Variants in NRG1 observed in about 807,000 individuals in gnomAD.
The protein encoded by NRG1 is pro-neuregulin-1, membrane-bound isoform.
In NRG1, 18 loss-of-function variants were observed where a neutral mutation model predicts 63.8. That is an observed-to-expected ratio of 0.28 (90% CI 0.19 to 0.42). The LOEUF (loss-of-function observed/expected upper bound fraction) is 0.42. Among genes scored for constraint, NRG1 ranks in the 10% least tolerant of loss-of-function variants. NRG1 has a pLI of 1.00. For synonymous variants in NRG1, 302 were observed against 301.3 expected, an observed-to-expected ratio of 1.00 and a Z score of -0.02; for missense variants, 762 against 814.7, an observed-to-expected ratio of 0.94 and a Z score of 0.79.
intron 1 of NRG1, among the ~76,000 whole-genome samples, chr8:32,503,055 ATGGG>A (rs1828055415): frequency 6.6e-6 from 1 of 151,982 alleles, no homozygotes; most frequent in African/African-American, 2.4e-5. Flanking sequence ...GGAGGCTGAG[ATGGG>A]CGGATCATGA....
At chr8:32,247,103 G>A (rs1446173725) in intron 1 of NRG1, among the ~76,000 whole-genome samples, 1 of 102,690 alleles carries the variant, frequency 9.7e-6, no homozygotes, top group Admixed American at 1.0e-4. Context: ...TCAATTTACA[G>A]TTTTTTTTTA....
At chr8:31,903,550 A>G (rs776185643) in intron 1 of NRG1, among the ~76,000 whole-genome samples, 1 of 152,162 alleles carries the variant, frequency 6.6e-6, no homozygotes, top group East Asian at 1.9e-4. Context: ...CACAGAATCT[A>G]CTAGCATAGC....
chr8:32,032,506 T>C (rs1818418810), intron 1 of NRG1, among the ~76,000 whole-genome samples: 1 of 152,210 alleles, frequency 6.6e-6, no homozygotes, highest in Non-Finnish European at 1.5e-5. Context: ...CCTCAGGTGA[T>C]CCACCTGCCT....
At chr8:32,324,412 T>C (rs1276732480) in intron 1 of NRG1, among the ~76,000 whole-genome samples, 1 of 152,170 alleles carries the variant, frequency 6.6e-6, no homozygotes, top group African/African-American at 2.4e-5. Context: ...AGTGTCTTGC[T>C]TGGGCTTGCT....
At chr8:32,183,675 A>G (rs1563882391) in intron 1 of NRG1, among the ~76,000 whole-genome samples, 1 of 152,222 alleles carries the variant, frequency 6.6e-6, no homozygotes, top group Non-Finnish European at 1.5e-5. Context: ...GGTCTTCATT[A>G]ATCTCAAATT....
At chr8:31,662,848 A>G (rs1195099007) in intron 1 of NRG1, among the ~76,000 whole-genome samples, 2 of 152,170 alleles carry the variant, frequency 1.3e-5, no homozygotes, top group East Asian at 1.9e-4. Context: ...AAGAGTAAAT[A>G]GGGGAATTTT....
At chr8:31,795,014 G>C (rs1821070311) in intron 1 of NRG1, among the ~76,000 whole-genome samples, 1 of 152,112 alleles carries the variant, frequency 6.6e-6, no homozygotes, top group African/African-American at 2.4e-5. Context: ...TGTTGGCCAG[G>C]CTGGTCTCAA....
intron 1 of NRG1, among the ~76,000 whole-genome samples, chr8:32,330,240 T>C (rs73582342): frequency 0.096 from 14,527 of 152,060 alleles, 967 homozygotes; most frequent in African/African-American, 0.18. Flanking sequence ...TTTAGATGGA[T>C]GGAGCACTTG....
intron 5 of NRG1, among the ~76,000 whole-genome samples, chr8:32,710,137 G>C (rs918860677): frequency 6.6e-6 from 1 of 152,126 alleles, no homozygotes. Flanking sequence ...TTTTAATTAA[G>C]GAGTGCTACC....
At chr8:32,548,313 A>C in exon 1 of NRG1, 1 of 993,292 alleles carries the variant, frequency 1.0e-6, no homozygotes, top group South Asian at 4.7e-5. Context: ...GTTCCCCGAA[A>C]CTTGTTGGAA....
chr8:32,306,654 C>T (rs1856218624), intron 1 of NRG1, among the ~76,000 whole-genome samples: 1 of 152,168 alleles, frequency 6.6e-6, no homozygotes, highest in African/African-American at 2.4e-5. Context: ...TCTCAAAAGC[C>T]TTGACTCTGT....
At chr8:31,988,795 G>C (rs1438399425) in intron 1 of NRG1, among the ~76,000 whole-genome samples, 1 of 152,082 alleles carries the variant, frequency 6.6e-6, no homozygotes, top group Non-Finnish European at 1.5e-5. Flanking sequence ...GAATAAGTTA[G>C]CCTGTATACT....
chr8:32,620,506 C>T (rs545480769), intron 5 of NRG1, among the ~76,000 whole-genome samples: 2 of 134,658 alleles, frequency 1.5e-5, no homozygotes, highest in East Asian at 4.4e-4. Context: ...CTCTTTAACT[C>T]ATGTTGGATT....
chr8:31,685,763 G>A (rs1249017936), intron 1 of NRG1, among the ~76,000 whole-genome samples: 1 of 152,050 alleles, frequency 6.6e-6, no homozygotes, highest in Admixed American at 6.6e-5. Flanking sequence ...TATATGAAGT[G>A]GCCTTTTGTG....
chr8:32,518,001 T>C (rs1305288259), intron 1 of NRG1, among the ~76,000 whole-genome samples: 1 of 152,094 alleles, frequency 6.6e-6, no homozygotes, highest in Admixed American at 6.6e-5. Context: ...AGCAGGGGAA[T>C]GCTGTGTTGT....
In NRG1 at chr8:31,640,396, G is replaced by A; in HGVS notation, c.37+965G>A. ...CGAGGAGCCGCTGCTCGCCGCCAACGGGACCGTGCCCTCTTGGCCCACCGC... is the reference window on the plus strand; with the variant it reads ...CGAGGAGCCGCTGCTCGCCGCCAACAGGACCGTGCCCTCTTGGCCCACCGC... On this transcript the variant is annotated intron_variant, in intron 1 of 10. Transcript: ENST00000519301. The surrounding 1 kb of genome is among the most constrained non-coding windows in gnomAD (Gnocchi z 6.3). 2 of 1,396,614 alleles carry A rather than the reference G, an allele frequency of 1.4e-6. No individual in the cohort carries two copies. The highest frequency in any genetic ancestry group is 3.0e-5 in the African/African-American group (2 of 66,840). The allele number at this position is 1,396,614 out of a possible 1,614,324, so 86.5% of individuals were successfully genotyped here. A position where few individuals can be genotyped will look rare whatever the true frequency, so the allele number is the denominator to read the frequency against.
chr8:31,905,684 T>A (rs1832466270), intron 1 of NRG1, among the ~76,000 whole-genome samples: 1 of 151,868 alleles, frequency 6.6e-6, no homozygotes, highest in African/African-American at 2.4e-5. Flanking sequence ...TGAGCACCAC[T>A]TTTTATTATT....
chr8:31,924,966 G>A (rs1834219008), intron 1 of NRG1, among the ~76,000 whole-genome samples: 1 of 151,272 alleles, frequency 6.6e-6, no homozygotes, highest in Admixed American at 6.6e-5. Flanking sequence ...AGAGCATATG[G>A]ATTGTATGAT....
intron 1 of NRG1, among the ~76,000 whole-genome samples, chr8:32,125,256 G>A (rs966824301): frequency 2.0e-5 from 3 of 151,906 alleles, no homozygotes; most frequent in Non-Finnish European, 4.4e-5. Flanking sequence ...TTGTGTTATA[G>A]CAACATGAAG....
Sources: allele counts gnomAD v4.1 joint callset (sites outside exome capture counted in the v4.1 genomes callset), GRCh38; gene constraint gnomAD v4.1.1; non-coding constraint Gnocchi (gnomAD v3.1); transcripts MANE v1.5; gene names NCBI Gene and HGNC (gene_info 2026-07-23, HGNC 2026-07-21).